AGFG2: variants seen among roughly 807,000 people sequenced by gnomAD.
The protein encoded by AGFG2 is arf-GAP domain and FG repeat-containing protein 2.
AGFG2 carries 31 observed loss-of-function variants against 48.0 expected under a neutral mutation model. The ratio of observed to expected loss-of-function variants is 0.65; its 90% CI spans 0.49 to 0.87. The LOEUF is 0.87. AGFG2 is among the 40% of genes least tolerant of loss of function. The probability of loss-of-function intolerance (pLI) is 0.00; values close to 1 mark genes in which losing one functional copy is unlikely to be tolerated. For synonymous variants in AGFG2, 229 were observed against 260.8 expected (o/e 0.88, Z 1.18); for missense variants, 599 against 632.6 (o/e 0.95, Z 0.57).
chr7:100,565,104 G>A lies in AGFG2; in HGVS notation c.*113G>A. On this transcript the variant is annotated 3_prime_UTR_variant, in exon 12 of 12. Coordinates refer to ENST00000300176, the MANE Select transcript of AGFG2 (RefSeq NM_006076.5). ...TATGGGCCTTGGGGATGGTGGAGGT[G>A]CTAATGCTTTGCTTGGGGCCTACAG... 2 of 1,253,750 alleles carry A rather than the reference G, an allele frequency of 1.6e-6. No individual in the cohort carries two copies. The highest frequency in any genetic ancestry group is 2.4e-5 in the South Asian group (2 of 82,464). 77.7% of individuals were successfully genotyped at this position (1,253,750 alleles called of 1,614,324 possible). A position where few individuals can be genotyped will look rare whatever the true frequency, so the allele number is the denominator to read the frequency against.
chr7:100,567,783 G>A lies in AGFG2; in HGVS notation c.*2792G>A, dbSNP rs1801046476. Reference sequence around the variant, plus strand: ...ACAGGGATGAAAAGTGAACCCCTCAGGTCAGGAGAGGCAGAGTTGAGGTTC... The same window carrying A: ...ACAGGGATGAAAAGTGAACCCCTCAAGTCAGGAGAGGCAGAGTTGAGGTTC... On this transcript the variant is annotated 3_prime_UTR_variant, in exon 12 of 12. Coordinates refer to ENST00000300176, the MANE Select transcript of AGFG2 (RefSeq NM_006076.5). The A allele has an allele frequency of 6.6e-6, 1 of 152,242 alleles. No individual in the cohort carries two copies. Among genetic ancestry groups the A allele is most frequent in the Non-Finnish European group, 1.5e-5 (1 of 68,042 alleles). The allele number at this position is 152,242 out of a possible 1,614,324, so 9.4% of individuals were successfully genotyped here.
In AGFG2 at chr7:100,564,989, T is replaced by C. The variant is rs1227768658; in HGVS notation, c.1444T>C (p.Ter482GlnextTer22). The part of the protein sequence containing the change: ...SKPPTTNPFL[*>Q] ...ACCTCCAACCACCAACCCCTTCTTG[T>C]AGCACTGTGTTTTTGGGGGGCCTCT... Residue 482 changes from the stop codon to glutamine, a stop_lost, in exon 12 of 12, where the codon TAG becomes CAG. Transcript: ENST00000300176. The C allele has an allele frequency of 1.9e-6, 3 of 1,614,130 alleles. No homozygotes were observed. The highest frequency in any genetic ancestry group is 8.5e-7 in the Non-Finnish European group (1 of 1,179,964).
rs753399126 is a variant in AGFG2, at chr7:100,548,792, C to T, written c.222-30C>T. The T allele has an allele frequency of 1.4e-5, 22 of 1,558,866 alleles. No homozygotes were observed. The South Asian group carries it at 2.4e-4, about 17-fold the overall frequency. On this transcript the variant is annotated intron_variant, in intron 1 of 11. Transcript: ENST00000300176. ...AGCCTGCCATGCTAACTGCATTATA[C>T]TTCTCTTTCTTCCTGTTTCTCTCCC...
chr7:100,552,244 CA>C (rs1057140798), intron 3 of AGFG2, among the ~76,000 whole-genome samples: 1 of 142,146 alleles, frequency 7.0e-6, no homozygotes. Flanking sequence ...AACTCCGTCT[CA>C]AAAAAAAAAT....
chr7:100,542,902 T>TA (rs1379542223), intron 1 of AGFG2, among the ~76,000 whole-genome samples: 2 of 152,154 alleles, frequency 1.3e-5, no homozygotes, highest in Non-Finnish European at 2.9e-5. Flanking sequence ...GTACTGGAGA[T>TA]ACAGTAGTGA....
chr7:100,550,456 A>G lies in AGFG2; in HGVS notation c.376A>G (p.Arg126Gly). 1 of 1,614,150 alleles carries G rather than the reference A, an allele frequency of 6.2e-7. No homozygotes were observed. The highest frequency in any genetic ancestry group is 1.1e-5 in the South Asian group (1 of 91,082). ...DARTSLVPDS[R>G]DPQKVKEFLQ... ...TCGGACATCTTTAGTACCAGATTCC[A>G]GGGATCCTCAGAAAGTGAAGGAGTT... The change falls in exon 3 of 12, where the codon AGG becomes GGG. Residue 126 changes from arginine (R) to glycine (G), a missense_variant. Arg to Gly is a moderately radical substitution (Grantham distance 125). Transcript: ENST00000300176.
rs1800705804 is a variant in AGFG2, at chr7:100,554,095, C to CGTCA, written c.596_599dup (p.His201ValfsTer25). ...GTATGCATTCCTTCTCCTCCAAGCC[C>CGTCA]GTCAGTCAGTCTCACGCTCGGACAT... On this transcript the variant is annotated frameshift_variant, in exon 5 of 12. Coordinates refer to ENST00000300176, the MANE Select transcript of AGFG2 (RefSeq NM_006076.5). LOFTEE classifies it high-confidence loss of function. The CGTCA allele has an allele frequency of 6.2e-7, 1 of 1,612,622 alleles. No homozygotes were observed.
intron 2 of AGFG2, 82 bp downstream of exon 2, chr7:100,548,997 G>A (rs1392268960): frequency 5.1e-6 from 6 of 1,173,780 alleles, no homozygotes; most frequent in African/African-American, 1.5e-5. Context: ...GAAACCTTAC[G>A]GTTTTATTTT....
Position 100,553,378 on chromosome 7 carries a change from A to G in AGFG2, c.463A>G (p.Thr155Ala). Residue 155 changes from threonine (T) to alanine (A), a missense_variant, in exon 4 of 12, where the codon ACT becomes GCT. Thr to Ala is a moderately conservative substitution (Grantham distance 58). Coordinates refer to ENST00000300176, the MANE Select transcript of AGFG2 (RefSeq NM_006076.5). ...YVPPDQVKGP[T>A]YTKGSASTPV... ...CCCCCCAGACCAAGTCAAGGGGCCC[A>G]CTTATACCAAAGGCAGTGCCTCCAC... 6.2e-7 allele frequency: 1 copy of G among 1,614,168 alleles called. No homozygotes were observed. The highest frequency in any genetic ancestry group is 8.5e-7 in the Non-Finnish European group (1 of 1,180,028).
intron 6 of AGFG2, chr7:100,556,414 C>T: frequency 3.3e-6 from 1 of 305,132 alleles, no homozygotes; most frequent in South Asian, 3.0e-5. Context: ...CCTTCCTAAG[C>T]TCTACACATT....
Position 100,562,753 on chromosome 7 carries a change from G to A in AGFG2, c.1087+71G>A. 2 of 1,591,672 alleles carry A rather than the reference G, an allele frequency of 1.3e-6. No homozygotes were observed. Among genetic ancestry groups the A allele is most frequent in the Non-Finnish European group, 1.7e-6 (2 of 1,167,056 alleles). ...GAGGAGTCTAAGGACTCTGGACAGG[G>A]TGGGAAGGGGAGAGATTGAGAGGAA... is the stretch of plus-strand genomic sequence containing the variant. On this transcript the variant is annotated intron_variant, in intron 8 of 11. Coordinates refer to ENST00000300176, the MANE Select transcript of AGFG2 (RefSeq NM_006076.5). This position sits in a 1 kb window ranked among gnomAD's most constrained non-coding sequence, Gnocchi z 5.4.
intron 4 of AGFG2, 71 bp from the exon 5 acceptor site, chr7:100,554,022 C>G: frequency 2.0e-6 from 3 of 1,538,016 alleles, no homozygotes; most frequent in Non-Finnish European, 2.6e-6. Context: ...TGAGGGCAAC[C>G]TGGGGAGCCA....
At position 100,539,233 on chromosome 7, in the gene AGFG2, C is replaced by T; in HGVS notation, c.-114C>T. The T allele has an allele frequency of 9.9e-6, 11 of 1,111,390 alleles. No individual in the cohort carries two copies. Among genetic ancestry groups the T allele is most frequent in the Non-Finnish European group, 1.3e-5 (11 of 867,150 alleles). The allele number at this position is 1,111,390 out of a possible 1,614,324, so 68.8% of individuals were successfully genotyped here. On this transcript the variant is annotated 5_prime_UTR_variant, in exon 1 of 12. Coordinates refer to ENST00000300176, the MANE Select transcript of AGFG2 (RefSeq NM_006076.5). ...ACGGCGAAGTCTCCTGCGGATGCCG[C>T]CCGCTCCCGAGCTTCTGTCAGGGGA...
In AGFG2 at chr7:100,562,016, G is replaced by A. The variant is rs73711125; in HGVS notation, c.878-243G>A. ...GACGAGCTGCTTTCCTCTCCGCAGC[G>A]CAGCTTTGAGCGCAGGGGACACGGA... On this transcript the variant is annotated intron_variant, in intron 6 of 11. Transcript: ENST00000300176. The surrounding 1 kb of genome is among the most constrained non-coding windows in gnomAD (Gnocchi z 5.4). 5.5e-3 allele frequency among the ~76,000 whole-genome samples: 834 copies of A among 152,224 alleles called. 6 individuals carry two copies. The highest frequency in any genetic ancestry group is 0.019 in the African/African-American group (779 of 41,552).
intron 1 of AGFG2, among the ~76,000 whole-genome samples, chr7:100,541,536 A>C (rs893051398): frequency 7.9e-5 from 12 of 152,020 alleles, no homozygotes; most frequent in African/African-American, 2.9e-4. Flanking sequence ...CAAGGTGAGC[A>C]GATCACTTGA....
chr7:100,556,458 T>G, intron 6 of AGFG2: 1 of 609,002 alleles, frequency 1.6e-6, no homozygotes. Context: ...CTTCTGCCAT[T>G]GGACATCCTG....
At position 100,539,505 on chromosome 7, in the gene AGFG2, C is replaced by T; in HGVS notation, c.159C>T (p.Arg53=). The change falls in exon 1 of 12, where the codon CGC becomes CGT. Residue 53 remains arginine (R), a synonymous_variant. Coordinates refer to ENST00000300176, the MANE Select transcript of AGFG2 (RefSeq NM_006076.5). ...GNRHCFECAQ[R]GVTYVDITVG... is the part of the protein sequence containing the mutation. Reference sequence around the variant, plus strand: ...GCCACTGCTTCGAGTGCGCCCAGCGCGGGGTCACCTACGTGGATATCACCG... The same window carrying T: ...GCCACTGCTTCGAGTGCGCCCAGCGTGGGGTCACCTACGTGGATATCACCG... 2 of 1,309,830 alleles carry T rather than the reference C, an allele frequency of 1.5e-6. No homozygotes were observed. Among genetic ancestry groups the T allele is most frequent in the South Asian group, 2.3e-5 (1 of 44,302 alleles). The allele number at this position is 1,309,830 out of a possible 1,614,324, so 81.1% of individuals were successfully genotyped here. A position where few individuals can be genotyped will look rare whatever the true frequency, so the allele number is the denominator to read the frequency against.
Position 100,563,817 on chromosome 7 carries a change from C to T in AGFG2, c.1172-17C>T, listed in dbSNP as rs200397029. 48 of 1,610,318 alleles carry T rather than the reference C, an allele frequency of 3.0e-5. No individual in the cohort carries two copies. The highest frequency in any genetic ancestry group is 2.9e-4 in the East Asian group (13 of 44,874). Reference sequence around the variant, plus strand: ...CTTCCAGAAGTTCACCTGAGCCTCCCGTCTTTCACTCCATAGGGCCCGGCT... The same window carrying T: ...CTTCCAGAAGTTCACCTGAGCCTCCTGTCTTTCACTCCATAGGGCCCGGCT... On this transcript the variant is annotated splice_polypyrimidine_tract_variant and intron_variant, in intron 9 of 11. Transcript: ENST00000300176.
chr7:100,563,633 C>T (rs1197027771), intron 9 of AGFG2, among the ~76,000 whole-genome samples: 1 of 152,218 alleles, frequency 6.6e-6, no homozygotes, highest in Non-Finnish European at 1.5e-5. Context: ...CCATGCCCTC[C>T]CTGCCACGTA....
Sources: allele counts gnomAD v4.1 joint callset (sites outside exome capture counted in the v4.1 genomes callset), GRCh38; gene constraint gnomAD v4.1.1; non-coding constraint Gnocchi (gnomAD v3.1); transcripts MANE v1.5; gene names NCBI Gene and HGNC (gene_info 2026-07-23, HGNC 2026-07-21).